ASAP1: variants seen among roughly 807,000 people sequenced by gnomAD.
The protein encoded by ASAP1 is ArfGAP with SH3 domain, ankyrin repeat and PH domain 1, also known as arf-GAP with SH3 domain, ANK repeat and PH domain-containing protein 1.
ASAP1 carries 43 observed loss-of-function variants against 145.2 expected under a neutral mutation model. The ratio of observed to expected loss-of-function variants is 0.30; its 90% CI spans 0.23 to 0.38. ASAP1 has a LOEUF of 0.38. ASAP1 is among the 10% of genes least tolerant of loss of function. ASAP1 has a pLI of 1.00. For synonymous variants in ASAP1, 546 were observed against 515.5 expected (o/e 1.06, Z -0.80); for missense variants, 1,018 against 1,355.3 (o/e 0.75, Z 3.91).
intron 3 of ASAP1, among the ~76,000 whole-genome samples, chr8:130,281,768 C>T (rs982917813): frequency 1.3e-5 from 2 of 152,114 alleles, no homozygotes; most frequent in Admixed American, 1.3e-4. Flanking sequence ...TGGCTTTTGC[C>T]ATTTAAAAGT....
chr8:130,316,155 G>A (rs144258688), intron 3 of ASAP1, among the ~76,000 whole-genome samples: 7 of 152,306 alleles, frequency 4.6e-5, no homozygotes, highest in Non-Finnish European at 7.4e-5. Context: ...GTTCACCTGT[G>A]ACCACTATTA....
At chr8:130,216,780 CACTA>C (rs1253176986) in intron 4 of ASAP1, among the ~76,000 whole-genome samples, 1 of 152,190 alleles carries the variant, frequency 6.6e-6, no homozygotes, top group Non-Finnish European at 1.5e-5. Context: ...TCAGTATCTC[CACTA>C]ACTATGTTGA....
At chr8:130,207,087 CCTTT>C (rs1444111428) in intron 5 of ASAP1, among the ~76,000 whole-genome samples, 1 of 152,084 alleles carries the variant, frequency 6.6e-6, no homozygotes, top group African/African-American at 2.4e-5. Context: ...CATTCTGCTT[CCTTT>C]TTCTTTTTTT....
At chr8:130,361,761 T>C (rs971621670) in intron 2 of ASAP1, 16 of 1,533,950 alleles carry the variant, frequency 1.0e-5, no homozygotes, top group Admixed American at 9.8e-5. Flanking sequence ...CTGAAAATCA[T>C]TCCTGGATAT....
intron 1 of ASAP1, among the ~76,000 whole-genome samples, chr8:130,410,797 C>A (rs190945423): frequency 1.3e-5 from 2 of 152,348 alleles, no homozygotes; most frequent in Admixed American, 1.3e-4. Flanking sequence ...CCAACACGGG[C>A]TCTCCCACCT....
intron 24 of ASAP1, among the ~76,000 whole-genome samples, chr8:130,096,162 A>C (rs896493787): frequency 6.6e-6 from 1 of 152,222 alleles, no homozygotes; most frequent in African/African-American, 2.4e-5. Flanking sequence ...GTTGAAAAAT[A>C]CTATATATAA....
Position 130,274,400 on chromosome 8 carries a change from T to C in ASAP1, c.187-37406A>G, listed in dbSNP as rs182837443. ...GGAGGTGCAGAAATGGGGAGGTTAC[T>C]ATGTTCTTTGGTAGAGAGGAGATAA... is the stretch of plus-strand genomic sequence containing the variant. On this transcript the variant is annotated intron_variant, in intron 3 of 29. Transcript: ENST00000518721. Among the ~76,000 whole-genome samples the C allele has an allele frequency of 3.2e-3, 482 of 152,308 alleles. 3 individuals carry two copies. Among genetic ancestry groups the C allele is most frequent in the African/African-American group, 0.011 (467 of 41,574 alleles).
At chr8:130,317,256 T>C (rs940160726) in intron 3 of ASAP1, among the ~76,000 whole-genome samples, 4 of 152,194 alleles carry the variant, frequency 2.6e-5, no homozygotes, top group Non-Finnish European at 4.4e-5. Context: ...TATTTTTCAC[T>C]CACCAATCCC....
At chr8:130,426,598 C>T (rs1263777842) in intron 1 of ASAP1, among the ~76,000 whole-genome samples, 1 of 152,212 alleles carries the variant, frequency 6.6e-6, no homozygotes, top group African/African-American at 2.4e-5. Flanking sequence ...TCCAGCCACA[C>T]TGGCTTCCTT....
At chr8:130,197,444 TCAAAAGAAAAAA>T in intron 5 of ASAP1, among the ~76,000 whole-genome samples, 1 of 144,034 alleles carries the variant, frequency 6.9e-6, no homozygotes, top group East Asian at 2.4e-4. Context: ...ACAGACTGTC[TCAAAAGAAAAAA>T]GAAAAGAAAA....
At chr8:130,110,072 G>T (rs1466749924) in intron 24 of ASAP1, among the ~76,000 whole-genome samples, 3 of 152,172 alleles carry the variant, frequency 2.0e-5, no homozygotes, top group Non-Finnish European at 4.4e-5. Context: ...TTTAGTCTTT[G>T]TCTTCTGGGT....
chr8:130,055,297 GAAA>G (rs550577973), intron 29 of ASAP1, among the ~76,000 whole-genome samples: 2 of 74,346 alleles, frequency 2.7e-5, no homozygotes. Flanking sequence ...ATTTAAAAAA[GAAA>G]AAAAAAAAAA....
chr8:130,384,011 C>T (rs763510371), intron 2 of ASAP1, among the ~76,000 whole-genome samples: 8 of 152,190 alleles, frequency 5.3e-5, no homozygotes, highest in Non-Finnish European at 1.0e-4. Context: ...CCCTTTGTAA[C>T]GCAGGTCACA....
intron 3 of ASAP1, among the ~76,000 whole-genome samples, chr8:130,347,998 T>C (rs1825794000): frequency 6.6e-6 from 1 of 152,166 alleles, no homozygotes; most frequent in South Asian, 2.1e-4. Flanking sequence ...GGCCTCAGCT[T>C]CCTCATCCAT....
intron 1 of ASAP1, among the ~76,000 whole-genome samples, chr8:130,439,792 C>T (rs764157712): frequency 6.6e-6 from 1 of 152,188 alleles, no homozygotes; most frequent in Non-Finnish European, 1.5e-5. Context: ...GGGCATGTGC[C>T]GGCAAGCACT....
chr8:130,278,989 T>G (rs935619950), intron 3 of ASAP1, among the ~76,000 whole-genome samples: 6 of 152,152 alleles, frequency 3.9e-5, no homozygotes, highest in Admixed American at 3.3e-4. Context: ...TCAAACCCAT[T>G]TCACAGATGA....
intron 3 of ASAP1, among the ~76,000 whole-genome samples, chr8:130,298,241 C>A (rs1479995003): frequency 6.6e-6 from 1 of 152,144 alleles, no homozygotes; most frequent in Non-Finnish European, 1.5e-5. Flanking sequence ...GTGTCCATAT[C>A]CACAAACATG....
intron 4 of ASAP1, among the ~76,000 whole-genome samples, chr8:130,232,340 C>T (rs193022479): frequency 1.3e-5 from 2 of 152,194 alleles, no homozygotes; most frequent in East Asian, 3.9e-4. Context: ...CATATATTAG[C>T]AAAAGGGCGA....
At chr8:130,262,244 A>G (rs1554861965) in intron 3 of ASAP1, among the ~76,000 whole-genome samples, 1 of 151,394 alleles carries the variant, frequency 6.6e-6, no homozygotes, top group Non-Finnish European at 1.5e-5. Flanking sequence ...AAAATACAAA[A>G]ACTAGCCGGG....
Sources: gnomAD v4.1 joint callset for allele counts (sites outside exome capture counted in the v4.1 genomes callset) on GRCh38, gnomAD v4.1.1 for gene constraint, MANE v1.5 for transcripts, NCBI Gene and HGNC (gene_info 2026-07-23, HGNC 2026-07-21) for gene names.